The following SLC23A2 variants were observed in gnomAD, a reference collection of about 807,000 sequenced individuals.
SLC23A2 encodes Na(+)/L-ascorbic acid transporter 2.
SLC23A2 carries 36 observed loss-of-function variants against 73.3 expected under a neutral mutation model. The observed-to-expected ratio is 0.49, with a 90% CI of 0.38 to 0.65. The LOEUF is 0.65. Among genes scored for constraint, SLC23A2 ranks in the 30% least tolerant of loss-of-function variants. SLC23A2 has a pLI of 0.00. For missense variants in SLC23A2, 507 were observed against 841.6 expected (o/e 0.60, Z 4.92); for synonymous variants, 343 against 327.3 (o/e 1.05, Z -0.52).
In SLC23A2 at chr20:4,882,350, G is replaced by A. The variant is rs1022377511; in HGVS notation, c.824+1292C>T. On this transcript the variant is annotated intron_variant, in intron 9 of 16. Transcript: ENST00000338244. ...AGATCGCACCACTGCACTCCAGCCTGGGCAACAGAGCGAGACTCCATTGCA... is the reference window on the plus strand; with the variant it reads ...AGATCGCACCACTGCACTCCAGCCTAGGCAACAGAGCGAGACTCCATTGCA... Among the ~76,000 whole-genome samples, 4 of 152,030 alleles carry A rather than the reference G, an allele frequency of 2.6e-5. No homozygotes were observed. In the South Asian group the frequency reaches 8.3e-4, roughly 32 times the overall value.
rs1269529037 is a variant in SLC23A2, at chr20:4,912,952, G to A, written c.135C>T (p.Ser45=). The A allele has an allele frequency of 6.2e-7, 1 of 1,612,836 alleles. No homozygotes were observed. Among genetic ancestry groups the A allele is most frequent in the Non-Finnish European group, 8.5e-7 (1 of 1,179,298 alleles). Residue 45 remains serine, a synonymous_variant, in exon 4 of 17, where the codon TCC becomes TCT. Transcript: ENST00000338244. ...TGTCCTCATTGTCCTGCTCACCGCTGGAGGTGGCGCCTCCATTTATCACCA... is the reference window on the plus strand; with the variant it reads ...TGTCCTCATTGTCCTGCTCACCGCTAGAGGTGGCGCCTCCATTTATCACCA... ...LPVVINGGAT[S]SGEQDNEDTE...
chr20:5,006,349 C>A (rs113437604), upstream of SLC23A2, among the ~76,000 whole-genome samples: 253 of 151,760 alleles, frequency 1.7e-3, 2 homozygotes, highest in Admixed American at 2.0e-3. Context: ...CATCTGCCTC[C>A]GCCTCCCAAA....
intron 11 of SLC23A2, 31 bp from the exon 12 acceptor site, chr20:4,870,084 T>C (rs1282777915): frequency 1.3e-6 from 2 of 1,552,942 alleles, no homozygotes; most frequent in Non-Finnish European, 1.7e-6. Flanking sequence ...TGAATGCTCC[T>C]AGAGAGGCAG....
intron 6 of SLC23A2, among the ~76,000 whole-genome samples, chr20:4,893,037 T>C (rs1476120259): frequency 6.6e-6 from 1 of 151,922 alleles, no homozygotes; most frequent in Non-Finnish European, 1.5e-5. Context: ...GGAGAGTATG[T>C]AGGGGTGAGC....
At position 4,862,123 on chromosome 20, in the gene SLC23A2, A is replaced by C; in HGVS notation, c.1487-38T>G. 6.2e-7 allele frequency: 1 copy of C among 1,610,480 alleles called. No individual in the cohort carries two copies. The highest frequency in any genetic ancestry group is 8.5e-7 in the Non-Finnish European group (1 of 1,177,896). ...AAACCAGACCACAAGCTCCAGCACC[A>C]CTACAGCGGGGACAGCTCAAGGCAG... On this transcript the variant is annotated intron_variant, in intron 14 of 16. Coordinates refer to ENST00000338244, the MANE Select transcript of SLC23A2 (RefSeq NM_005116.6). This position sits in a 1 kb window ranked among gnomAD's most constrained non-coding sequence, Gnocchi z 5.1.
chr20:4,887,989 G>C (rs1931172555), intron 6 of SLC23A2, among the ~76,000 whole-genome samples: 1 of 152,190 alleles, frequency 6.6e-6, no homozygotes, highest in Non-Finnish European at 1.5e-5. Flanking sequence ...TGCTTGCCCA[G>C]TGTGAAGACG....
At chr20:4,904,190 G>A (rs1430539387) in intron 4 of SLC23A2, among the ~76,000 whole-genome samples, 2 of 152,240 alleles carry the variant, frequency 1.3e-5, no homozygotes, top group South Asian at 2.1e-4. Context: ...CCTCTGGAGG[G>A]GCTGGTGAGT....
chr20:4,915,236 C>T (rs552966524), intron 3 of SLC23A2, among the ~76,000 whole-genome samples: 169 of 152,200 alleles, frequency 1.1e-3, no homozygotes, highest in African/African-American at 3.9e-3. Flanking sequence ...GGGACAAGAA[C>T]GGCAATAGCA....
intron 6 of SLC23A2, among the ~76,000 whole-genome samples, chr20:4,896,697 C>G (rs758224304): frequency 6.6e-6 from 1 of 152,180 alleles, no homozygotes; most frequent in Non-Finnish European, 1.5e-5. Flanking sequence ...CTTGCCTAGG[C>G]CCCCATCACC....
At chr20:5,004,003 G>T (rs1417131987), upstream of SLC23A2, among the ~76,000 whole-genome samples, 1 of 151,974 alleles carries the variant, frequency 6.6e-6, no homozygotes, top group Admixed American at 6.6e-5. Flanking sequence ...TCAGACTCCA[G>T]TCTAGAAATG....
intron 3 of SLC23A2, among the ~76,000 whole-genome samples, chr20:4,922,387 G>C (rs570661388): frequency 6.6e-6 from 1 of 152,236 alleles, no homozygotes; most frequent in South Asian, 2.1e-4. Context: ...TGAAGGCAGG[G>C]GGATCACATG....
intron 3 of SLC23A2, among the ~76,000 whole-genome samples, chr20:4,927,502 C>T (rs1932715037): frequency 6.6e-6 from 1 of 152,178 alleles, no homozygotes; most frequent in Admixed American, 6.5e-5. Context: ...TGAGTCTTTA[C>T]AGCTCTCCTG....
At chr20:4,878,876 G>A (rs1930762796) in intron 9 of SLC23A2, among the ~76,000 whole-genome samples, 1 of 152,112 alleles carries the variant, frequency 6.6e-6, no homozygotes, top group Admixed American at 6.6e-5. Flanking sequence ...ATGAAGTTGT[G>A]GAATGTATTT....
chr20:4,972,888 G>A (rs1439746508), intron 1 of SLC23A2, among the ~76,000 whole-genome samples: 3 of 152,196 alleles, frequency 2.0e-5, no homozygotes, highest in Middle Eastern at 3.4e-3. Context: ...CAAGCCTTAA[G>A]CTATGTTTAT....
chr20:4,907,310 G>A (rs1169670575), intron 4 of SLC23A2, among the ~76,000 whole-genome samples: 1 of 151,952 alleles, frequency 6.6e-6, no homozygotes, highest in East Asian at 1.9e-4. Flanking sequence ...AGACAACACG[G>A]CTTTCCACCT....
upstream of SLC23A2, among the ~76,000 whole-genome samples, chr20:5,003,370 C>T (rs189284930): frequency 2.9e-3 from 444 of 152,208 alleles, no homozygotes; most frequent in Non-Finnish European, 5.0e-3. Context: ...GGCGACAGAG[C>T]AAGACTCCGT....
chr20:4,968,543 T>C (rs1176506263), intron 2 of SLC23A2, among the ~76,000 whole-genome samples: 1 of 152,074 alleles, frequency 6.6e-6, no homozygotes. Context: ...GAAAATGACC[T>C]TGGCAACTGC....
rs1929561268 is a variant in SLC23A2 at position 4,852,394 on chromosome 20, T to A, written c.*4578A>T. ...GAGCTTTTATTTGTACGGAACAGTT[T>A]TAAAAATACAGAATAAAATAGCTTT... On this transcript the variant is annotated 3_prime_UTR_variant, in exon 17 of 17. Transcript: ENST00000338244. This position sits in a 1 kb window ranked among gnomAD's most constrained non-coding sequence, Gnocchi z 4.3. 6.6e-6 allele frequency: 1 copy of A among 152,574 alleles called. No individual in the cohort carries two copies. Among genetic ancestry groups the A allele is most frequent in the Admixed American group, 6.5e-5 (1 of 15,276 alleles). 9.5% of individuals were successfully genotyped at this position (152,574 alleles called of 1,614,324 possible). A position where few individuals can be genotyped will look rare whatever the true frequency, so the allele number is the denominator to read the frequency against.
rs932934367 is a variant in SLC23A2 at position 4,998,063 on chromosome 20, G to A, written c.-282+3343C>T. ...GACTTCCCAGACTCCAGAATTATACGAAACAAATTTCCGTTGTTTAAGCCA... is the reference window on the plus strand; with the variant it reads ...GACTTCCCAGACTCCAGAATTATACAAAACAAATTTCCGTTGTTTAAGCCA... On this transcript the variant is annotated intron_variant, in intron 1 of 16. Transcript: ENST00000338244. The surrounding 1 kb of genome is among the most constrained non-coding windows in gnomAD (Gnocchi z 4.1). 5.3e-5 allele frequency among the ~76,000 whole-genome samples: 8 copies of A among 152,122 alleles called. No homozygotes were observed. The highest frequency in any genetic ancestry group is 1.7e-4 in the African/African-American group (7 of 41,440).
Sources: allele counts gnomAD v4.1 joint callset (sites outside exome capture counted in the v4.1 genomes callset), GRCh38; gene constraint gnomAD v4.1.1; non-coding constraint Gnocchi (gnomAD v3.1); transcripts MANE v1.5; gene names NCBI Gene and HGNC (gene_info 2026-07-23, HGNC 2026-07-21).